Variants in PPP1R9A observed in about 807,000 individuals in gnomAD.
PPP1R9A encodes protein phosphatase 1 regulatory subunit 9A.
PPP1R9A carries 59 observed loss-of-function variants against 141.9 expected under a neutral mutation model. The ratio of observed to expected loss-of-function variants is 0.42; its 90% CI spans 0.34 to 0.52. The LOEUF is 0.52. Ranked by LOEUF, PPP1R9A falls within the 20% of genes least tolerant of loss-of-function variation. The pLI is 0.10. For synonymous variants in PPP1R9A, 500 were observed against 569.7 expected, an observed-to-expected ratio of 0.88 and a Z score of 1.74; for missense variants, 1,444 against 1,611.9, an observed-to-expected ratio of 0.90 and a Z score of 1.78.
rs149661147 is a variant in PPP1R9A, at chr7:95,242,063, A to C, written c.2113-5410A>C. On this transcript the variant is annotated intron_variant, in intron 8 of 19. Transcript: ENST00000433360. ...GTCAGCCAGTTTTAGTTCATTTTGC[A>C]TACATGATTCCCTAAGTAAAACACT... Among the ~76,000 whole-genome samples the C allele has an allele frequency of 1.4e-3, 220 of 152,292 alleles. 1 individual carries two copies. The highest frequency in any genetic ancestry group is 4.8e-3 in the African/African-American group (199 of 41,582).
At chr7:95,202,528 T>G (rs1789793274) in intron 6 of PPP1R9A, 11 of 731,998 alleles carry the variant, frequency 1.5e-5, no homozygotes, top group Non-Finnish European at 1.8e-5. Flanking sequence ...CACTTGTTTT[T>G]TTTTTCTTTC....
intron 5 of PPP1R9A, among the ~76,000 whole-genome samples, chr7:95,189,199 T>G (rs1294316629): frequency 6.6e-6 from 1 of 152,124 alleles, no homozygotes; most frequent in Non-Finnish European, 1.5e-5. Flanking sequence ...TTTATGTTCC[T>G]TTAGGTTACC....
At position 94,984,016 on chromosome 7, in the gene PPP1R9A, G is replaced by T. The variant is rs183044589; in HGVS notation, c.1395+72508G>T. On this transcript the variant is annotated intron_variant, in intron 2 of 19. Coordinates refer to ENST00000433360, the MANE Select transcript of PPP1R9A (RefSeq NM_001166160.2). Reference sequence around the variant, plus strand: ...TTGAGATAGGTTCCATCAATACCTAGTTTATTGAGAGTTTTTAGCATGAAG... The same window carrying T: ...TTGAGATAGGTTCCATCAATACCTATTTTATTGAGAGTTTTTAGCATGAAG... Among the ~76,000 whole-genome samples, 357 of 152,254 alleles carry T rather than the reference G, an allele frequency of 2.3e-3. 2 individuals are homozygous for T. The highest frequency in any genetic ancestry group is 8.2e-3 in the African/African-American group (339 of 41,544).
At chr7:95,217,882 T>C (rs1488893039) in intron 7 of PPP1R9A, among the ~76,000 whole-genome samples, 1 of 152,186 alleles carries the variant, frequency 6.6e-6, no homozygotes, top group Non-Finnish European at 1.5e-5. Flanking sequence ...TTAGTCTTGC[T>C]ATCAGTCTAT....
chr7:95,028,687 G>A (rs925953263), intron 2 of PPP1R9A, among the ~76,000 whole-genome samples: 3 of 152,136 alleles, frequency 2.0e-5, no homozygotes, highest in African/African-American at 7.2e-5. Context: ...TTCTTAGAAT[G>A]TGCATATGTT....
chr7:95,020,237 G>A (rs139792689), intron 2 of PPP1R9A, among the ~76,000 whole-genome samples: 1 of 152,054 alleles, frequency 6.6e-6, no homozygotes, highest in African/African-American at 2.4e-5. Flanking sequence ...GATTGTAAAG[G>A]GTCTGGTAGA....
At chr7:95,231,501 A>G (rs748374383) in intron 8 of PPP1R9A, among the ~76,000 whole-genome samples, 25 of 152,300 alleles carry the variant, frequency 1.6e-4, no homozygotes, top group Non-Finnish European at 2.2e-4. Context: ...GATAGGCCAC[A>G]AAACAAGTCT....
chr7:95,133,513 T>TTATATATATATATA lies in PPP1R9A; in HGVS notation c.1649+12697_1649+12710dup, dbSNP rs10570222. On this transcript the variant is annotated intron_variant, in intron 4 of 19. Coordinates refer to ENST00000433360, the MANE Select transcript of PPP1R9A (RefSeq NM_001166160.2). ...TTTAAGGATATATTATGCAGTCGTA[T>TTATATATATATATA]TATATATATATATATATATATATAT... is the stretch of plus-strand genomic sequence containing the variant. 4.3e-3 allele frequency among the ~76,000 whole-genome samples: 575 copies of TTATATATATATATA among 132,584 alleles called. 7 individuals are homozygous for TTATATATATATATA. Among genetic ancestry groups the TTATATATATATATA allele is most frequent in the Non-Finnish European group, 6.5e-3 (400 of 61,772 alleles). The allele number at this position is 132,584 out of a possible 152,430, so 87.0% of individuals were successfully genotyped here.
chr7:95,025,746 T>A (rs1806738629), intron 2 of PPP1R9A, among the ~76,000 whole-genome samples: 1 of 152,224 alleles, frequency 6.6e-6, no homozygotes, highest in African/African-American at 2.4e-5. Flanking sequence ...CATAGTCCCA[T>A]ATTTCTTGGA....
chr7:94,976,492 C>T (rs774766818), intron 2 of PPP1R9A, among the ~76,000 whole-genome samples: 23 of 151,954 alleles, frequency 1.5e-4, no homozygotes, highest in Non-Finnish European at 2.2e-4. Flanking sequence ...AGGCATGTGC[C>T]ACCACGTCTG....
chr7:95,083,675 G>A (rs1279193001), intron 2 of PPP1R9A, among the ~76,000 whole-genome samples: 1 of 151,920 alleles, frequency 6.6e-6, no homozygotes, highest in African/African-American at 2.4e-5. Flanking sequence ...GTACCACAGG[G>A]AATATAGACT....
chr7:95,083,076 T>C (rs1816142554), intron 2 of PPP1R9A, among the ~76,000 whole-genome samples: 1 of 151,844 alleles, frequency 6.6e-6, no homozygotes, highest in African/African-American at 2.4e-5. Flanking sequence ...TCTCACCCAT[T>C]GCAAGGTTCA....
At chr7:95,274,507 C>A (rs1802803276) in intron 16 of PPP1R9A, among the ~76,000 whole-genome samples, 1 of 152,072 alleles carries the variant, frequency 6.6e-6, no homozygotes, top group South Asian at 2.1e-4. Context: ...GCCTGGCTAC[C>A]CACAATGCTA....
intron 4 of PPP1R9A, among the ~76,000 whole-genome samples, chr7:95,128,248 A>G (rs949291236): frequency 6.6e-6 from 1 of 152,184 alleles, no homozygotes; most frequent in Non-Finnish European, 1.5e-5. Context: ...TTTGATTTGC[A>G]TTTCCCTGGT....
At chr7:95,275,189 C>T (rs1204300165) in intron 16 of PPP1R9A, among the ~76,000 whole-genome samples, 2 of 152,118 alleles carry the variant, frequency 1.3e-5, no homozygotes, top group African/African-American at 4.8e-5. Flanking sequence ...GGGTGGATCA[C>T]CTGAGGTCAG....
intron 5 of PPP1R9A, among the ~76,000 whole-genome samples, chr7:95,175,377 G>T (rs1001674805): frequency 6.6e-6 from 1 of 151,794 alleles, no homozygotes; most frequent in Non-Finnish European, 1.5e-5. Context: ...AATTTATGTT[G>T]CATACCCAAC....
chr7:95,144,117 A>G (rs2152582796), intron 4 of PPP1R9A, among the ~76,000 whole-genome samples: 1 of 152,172 alleles, frequency 6.6e-6, no homozygotes, highest in African/African-American at 2.4e-5. Flanking sequence ...CTTATAACAG[A>G]AAGTTTCTAC....
chr7:95,263,005 A>G (rs1800667247), intron 12 of PPP1R9A, among the ~76,000 whole-genome samples: 1 of 152,168 alleles, frequency 6.6e-6, no homozygotes, highest in African/African-American at 2.4e-5. Context: ...AGGCCAAATT[A>G]TCTGGCAGTT....
chr7:95,274,367 A>G (rs569170424), intron 16 of PPP1R9A, among the ~76,000 whole-genome samples, 199 bp downstream of exon 16: 29 of 152,374 alleles, frequency 1.9e-4, no homozygotes, highest in Admixed American at 3.3e-4. Context: ...GGGCATATCC[A>G]TTGGTTCTTA....
Sources: gnomAD v4.1 joint callset for allele counts (sites outside exome capture counted in the v4.1 genomes callset) on GRCh38, gnomAD v4.1.1 for gene constraint, MANE v1.5 for transcripts, NCBI Gene and HGNC (gene_info 2026-07-23, HGNC 2026-07-21) for gene names.